Variants in TRHDE observed in about 807,000 individuals in gnomAD.
TRHDE encodes thyrotropin releasing hormone degrading enzyme, also known as thyrotropin-releasing hormone-degrading ectoenzyme.
In TRHDE, 72 loss-of-function variants were observed where a neutral mutation model predicts 125.7. The ratio of observed to expected loss-of-function variants is 0.57; its 90% CI spans 0.47 to 0.70. The LOEUF (loss-of-function observed/expected upper bound fraction) is 0.70, where lower values mean the gene tolerates loss of function less well. TRHDE is among the 30% of genes least tolerant of loss of function. TRHDE has a pLI of 0.00. For synonymous variants in TRHDE, 509 were observed against 509.1 expected (o/e 1.00, Z 0.00); for missense variants, 1,110 against 1,327.1 (o/e 0.84, Z 2.54).
intron 3 of TRHDE, among the ~76,000 whole-genome samples, chr12:72,410,200 T>A (rs997388662): frequency 1.3e-4 from 20 of 151,930 alleles, no homozygotes; most frequent in African/African-American, 4.6e-4. Flanking sequence ...CTTACTAATG[T>A]TGACAAACAA....
At chr12:72,619,504 C>T (rs1001527363) in intron 13 of TRHDE, among the ~76,000 whole-genome samples, 2 of 152,098 alleles carry the variant, frequency 1.3e-5, no homozygotes, top group Non-Finnish European at 2.9e-5. Flanking sequence ...AAAGCCCATT[C>T]GTAATTGGGT....
At chr12:72,478,494 T>G (rs1877001078) in intron 5 of TRHDE, among the ~76,000 whole-genome samples, 1 of 148,144 alleles carries the variant, frequency 6.8e-6, no homozygotes, top group Non-Finnish European at 1.5e-5. Flanking sequence ...ACTTTTTTCC[T>G]TACTGAAAAT....
intron 2 of TRHDE, among the ~76,000 whole-genome samples, chr12:72,205,416 A>G (rs1877645383): frequency 6.6e-6 from 1 of 151,966 alleles, no homozygotes; most frequent in African/African-American, 2.4e-5. Context: ...TAAGTGTATA[A>G]TATTGTTAAC....
intron 2 of TRHDE, among the ~76,000 whole-genome samples, chr12:72,339,921 C>G (rs1257901350): frequency 2.6e-5 from 4 of 152,168 alleles, no homozygotes; most frequent in Non-Finnish European, 5.9e-5. Context: ...AAATAAATGA[C>G]TGTCTGATGT....
intron 6 of TRHDE, among the ~76,000 whole-genome samples, chr12:72,530,335 G>T (rs1868479303): frequency 6.7e-6 from 1 of 150,052 alleles, no homozygotes; most frequent in Admixed American, 6.6e-5. Flanking sequence ...AGTCTGCATG[G>T]TAGCTGACTT....
intron 15 of TRHDE, among the ~76,000 whole-genome samples, chr12:72,629,528 TTACAG>T (rs1422180694): frequency 6.6e-6 from 1 of 151,768 alleles, no homozygotes; most frequent in Non-Finnish European, 1.5e-5. Context: ...CAACTGTTTA[TTACAG>T]TACAAGTGCT....
chr12:72,346,984 A>G (rs1218988279), intron 2 of TRHDE, among the ~76,000 whole-genome samples: 1 of 151,982 alleles, frequency 6.6e-6, no homozygotes, highest in Non-Finnish European at 1.5e-5. Context: ...TCAGTTTCAC[A>G]TGGTGTTCTC....
upstream of TRHDE, chr12:72,272,168 G>C (rs1879243411): frequency 2.2e-6 from 1 of 456,712 alleles, no homozygotes; most frequent in Non-Finnish European, 4.4e-6. The surrounding 1 kb of genome is among the most constrained non-coding windows in gnomAD (Gnocchi z 6.7). Flanking sequence ...CGCCGCTGGA[G>C]TGGGGGGAGA....
chr12:72,134,734 C>T (rs1186596856), intron 2 of TRHDE, among the ~76,000 whole-genome samples: 1 of 152,040 alleles, frequency 6.6e-6, no homozygotes, highest in Non-Finnish European at 1.5e-5. Context: ...GGCTCACTGA[C>T]ATTCTGCAAT....
chr12:72,173,998 C>T (rs1876935988), intron 2 of TRHDE, among the ~76,000 whole-genome samples: 1 of 152,242 alleles, frequency 6.6e-6, no homozygotes, highest in Middle Eastern at 3.4e-3. Context: ...ATCAAGAGAA[C>T]CGGTCTATTT....
chr12:72,151,169 ATG>A (rs1223192617), intron 2 of TRHDE, among the ~76,000 whole-genome samples: 1 of 152,032 alleles, frequency 6.6e-6, no homozygotes, highest in African/African-American at 2.4e-5. Context: ...GCATTTTTTC[ATG>A]TGTCTGTTGG....
intron 2 of TRHDE, among the ~76,000 whole-genome samples, chr12:72,252,112 A>G (rs1252541808): frequency 1.4e-5 from 2 of 145,212 alleles, no homozygotes; most frequent in Non-Finnish European, 3.0e-5. Context: ...TCCTCTTAAC[A>G]GCACATTTTC....
chr12:72,589,934 A>C (rs952981017), intron 12 of TRHDE, among the ~76,000 whole-genome samples: 6 of 151,954 alleles, frequency 3.9e-5, no homozygotes, highest in Non-Finnish European at 7.4e-5. Flanking sequence ...CTTAAAATTT[A>C]ATCTGCTTTA....
chr12:72,346,341 TG>T (rs1446744647), intron 2 of TRHDE, among the ~76,000 whole-genome samples: 1 of 152,060 alleles, frequency 6.6e-6, no homozygotes, highest in Non-Finnish European at 1.5e-5. Context: ...CCGTCATTAA[TG>T]GGCATGCAAG....
intron 1 of TRHDE, among the ~76,000 whole-genome samples, chr12:72,279,541 C>A (rs529656468): frequency 6.6e-6 from 1 of 152,326 alleles, no homozygotes; most frequent in East Asian, 1.9e-4. Context: ...CTTTCTCCCA[C>A]AGATAGAATT....
At chr12:72,626,805 A>C (rs995981491) in intron 15 of TRHDE, among the ~76,000 whole-genome samples, 4 of 151,894 alleles carry the variant, frequency 2.6e-5, no homozygotes, top group African/African-American at 9.7e-5. Flanking sequence ...GAGGGACAAA[A>C]GGCTCTTTTC....
At position 72,343,417 on chromosome 12, in the gene TRHDE, A is replaced by G. The variant is rs539036544; in HGVS notation, c.1189-34578A>G. ...ACATTTGATTGAAAAAAATATGCCT[A>G]TGAATGGACTTGTATAGTTCAAACA... On this transcript the variant is annotated intron_variant, in intron 2 of 18. Coordinates refer to ENST00000261180, the MANE Select transcript of TRHDE (RefSeq NM_013381.3). Among the ~76,000 whole-genome samples, 3 of 152,164 alleles carry G rather than the reference A, an allele frequency of 2.0e-5. No individual in the cohort carries two copies. In the South Asian group the frequency reaches 6.2e-4, roughly 32 times the overall value.
At chr12:72,486,367 C>A (rs1224262765) in intron 5 of TRHDE, among the ~76,000 whole-genome samples, 1 of 152,154 alleles carries the variant, frequency 6.6e-6, no homozygotes, top group African/African-American at 2.4e-5. Flanking sequence ...ACTCCAAGTA[C>A]CACGTGCCTG....
chr12:72,138,632 A>G (rs982057091), intron 2 of TRHDE, among the ~76,000 whole-genome samples: 1 of 152,192 alleles, frequency 6.6e-6, no homozygotes, highest in Non-Finnish European at 1.5e-5. Flanking sequence ...AGTCCCATCT[A>G]CTGCTATTAA....
Sources: allele counts gnomAD v4.1 joint callset (sites outside exome capture counted in the v4.1 genomes callset), GRCh38; gene constraint gnomAD v4.1.1; non-coding constraint Gnocchi (gnomAD v3.1); transcripts MANE v1.5; gene names NCBI Gene and HGNC (gene_info 2026-07-23, HGNC 2026-07-21).